The following CAPN2 variants were observed in gnomAD, a reference collection of about 807,000 sequenced individuals.
CAPN2 encodes the protein calpain-2 catalytic subunit.
A neutral mutation model predicts 102.3 loss-of-function variants in CAPN2; 92 were observed. The observed-to-expected ratio is 0.90, with a 90% CI of 0.76 to 1.07. CAPN2 has a LOEUF of 1.07. Among genes scored for constraint, CAPN2 ranks in the 50% least tolerant of loss-of-function variants. The pLI, the probability that CAPN2 is intolerant of heterozygous loss-of-function variation, is 0.00. For synonymous variants in CAPN2, 340 were observed against 355.4 expected, an observed-to-expected ratio of 0.96 and a Z score of 0.49; for missense variants, 800 against 909.4, an observed-to-expected ratio of 0.88 and a Z score of 1.55.
At chr1:223,728,043 G>T (rs938687057) in intron 2 of CAPN2, among the ~76,000 whole-genome samples, 1 of 152,010 alleles carries the variant, frequency 6.6e-6, no homozygotes, top group Non-Finnish European at 1.5e-5. Flanking sequence ...CTGTTAGCAG[G>T]TGTATCTTAC....
intron 3 of CAPN2, 87 bp from the exon 4 acceptor site, chr1:223,745,219 A>G: frequency 6.4e-7 from 1 of 1,566,032 alleles, no homozygotes; most frequent in Admixed American, 1.7e-5. Flanking sequence ...CCAGGGGATC[A>G]GGGCAAGGGG....
chr1:223,751,642 T>G (rs1553255086), intron 7 of CAPN2, among the ~76,000 whole-genome samples: 1 of 143,802 alleles, frequency 7.0e-6, no homozygotes, highest in Non-Finnish European at 1.5e-5. Flanking sequence ...CCTCATCAGA[T>G]CTTCAGTTGT....
chr1:223,761,878 T>G, intron 13 of CAPN2: 1 of 525,264 alleles, frequency 1.9e-6, no homozygotes, highest in Non-Finnish European at 3.3e-6. Context: ...TTTATTCTTC[T>G]GAGTCCCCAC....
chr1:223,750,610 G>A (rs1660862612), intron 6 of CAPN2, among the ~76,000 whole-genome samples: 1 of 152,210 alleles, frequency 6.6e-6, no homozygotes, highest in African/African-American at 2.4e-5. Flanking sequence ...CAGTTAAGCT[G>A]AAGTTCAGAG....
At chr1:223,772,745 G>A (rs1661514963) in intron 20 of CAPN2, 1 of 154,628 alleles carries the variant, frequency 6.5e-6, no homozygotes, top group Non-Finnish European at 1.4e-5. Flanking sequence ...TTGCACTCAT[G>A]TGTCTGGAAC....
intron 13 of CAPN2, 136 bp from the exon 14 acceptor site, chr1:223,762,050 C>G (rs1661200341): frequency 3.1e-6 from 2 of 649,274 alleles, no homozygotes; most frequent in Non-Finnish European, 2.7e-6. Flanking sequence ...TGATCTTAAC[C>G]CAAATCACCG....
chr1:223,761,609 C>A lies in CAPN2; in HGVS notation c.1558C>A (p.Leu520Ile). 6.2e-7 allele frequency: 1 copy of A among 1,612,092 alleles called. No homozygotes were observed. Among genetic ancestry groups the A allele is most frequent in the South Asian group, 1.1e-5 (1 of 90,908 alleles). ...QAVDDEIEAN[L>I]EEFDISEDDI... ...TGTCGATGATGAAATCGAGGCCAATCTTGAAGAGGTATTTGTAACTCTTTG... is the reference window on the plus strand; with the variant it reads ...TGTCGATGATGAAATCGAGGCCAATATTGAAGAGGTATTTGTAACTCTTTG... Residue 520 changes from leucine (L) to isoleucine (I), a missense_variant, in exon 13 of 21, where the codon CTT (leucine) becomes ATT (isoleucine). By Grantham distance (5) the Leu-to-Ile change is conservative. Coordinates refer to ENST00000295006, the MANE Select transcript of CAPN2 (RefSeq NM_001748.5).
chr1:223,764,159 A>G lies in CAPN2; in HGVS notation c.1642A>G (p.Ile548Val), dbSNP rs920874280. The change falls in exon 15 of 21, where the codon ATC becomes GTC. Residue 548 changes from isoleucine (I) to valine (V), a missense_variant. Transcript: ENST00000295006. ...GGTTATGTGTCCACAGGATGCGGAG[A>G]TCTCTGCCTTTGAGCTGCAGACCAT... ...FAQLAGEDAE[I>V]SAFELQTILR... 1.1e-5 allele frequency: 18 copies of G among 1,613,956 alleles called. No homozygotes were observed. The highest frequency in any genetic ancestry group is 1.4e-5 in the Non-Finnish European group (17 of 1,179,860).
At chr1:223,761,496 C>A in intron 12 of CAPN2, 85 bp from the exon 13 acceptor site, 2 of 1,110,964 alleles carry the variant, frequency 1.8e-6, no homozygotes, top group South Asian at 1.4e-5. Flanking sequence ...CTGGATTTAG[C>A]ACTGCACTTC....
rs188494339 is a variant in CAPN2 at position 223,712,920 on chromosome 1, G to A, written c.237+43G>A. The A allele has an allele frequency of 5.5e-4, 779 of 1,423,474 alleles. 5 individuals carry two copies. The African/African-American group carries it at 0.011, about 20-fold the overall frequency. 88.2% of individuals were successfully genotyped at this position (1,423,474 alleles called of 1,614,324 possible). A position where few individuals can be genotyped will look rare whatever the true frequency, so the allele number is the denominator to read the frequency against. On this transcript the variant is annotated intron_variant, in intron 1 of 20. Transcript: ENST00000295006. Reference sequence around the variant, plus strand: ...GGACGCGGGCAGGGCGGGGTGCCGGGCAGGGCGGGGTGCAGGCCGGCCCGC... The same window carrying A: ...GGACGCGGGCAGGGCGGGGTGCCGGACAGGGCGGGGTGCAGGCCGGCCCGC...
Position 223,759,198 on chromosome 1 carries a change from CA to C in CAPN2, c.1318-71del. 2 of 1,398,084 alleles carry C rather than the reference CA, an allele frequency of 1.4e-6. No individual in the cohort carries two copies. The highest frequency in any genetic ancestry group is 2.8e-5 in the African/African-American group (2 of 70,774). The allele number at this position is 1,398,084 out of a possible 1,614,324, so 86.6% of individuals were successfully genotyped here. On this transcript the variant is annotated intron_variant, in intron 11 of 20. Coordinates refer to ENST00000295006, the MANE Select transcript of CAPN2 (RefSeq NM_001748.5). This position sits in a 1 kb window ranked among gnomAD's most constrained non-coding sequence, Gnocchi z 4.6. ...CCACACTACCCAACTGCTTTTATCT[CA>C]GTGAATGAAAATGATACTTGCCTGG... is the stretch of plus-strand genomic sequence containing the variant.
chr1:223,735,526 TAA>T (rs566489022), intron 2 of CAPN2, among the ~76,000 whole-genome samples: 111 of 131,424 alleles, frequency 8.4e-4, no homozygotes, highest in South Asian at 4.4e-3. Context: ...AGACTCTATC[TAA>T]AAAAAAAAAA....
intron 19 of CAPN2, 98 bp downstream of exon 19, chr1:223,772,023 T>A: frequency 9.0e-7 from 1 of 1,108,704 alleles, no homozygotes; most frequent in Non-Finnish European, 1.4e-6. Context: ...GAGACATGTC[T>A]TCCAGGAGTT....
chr1:223,758,699 T>G (rs944883304), intron 11 of CAPN2: 2 of 152,602 alleles, frequency 1.3e-5, no homozygotes, highest in Non-Finnish European at 2.9e-5. Flanking sequence ...CTTTTTGTTT[T>G]TTTTTTTTTT....
In CAPN2 at chr1:223,764,194, G is replaced by C. The variant is rs201111260; in HGVS notation, c.1677G>C (p.Arg559Ser). The C allele has an allele frequency of 6.2e-6, 10 of 1,613,686 alleles. No individual in the cohort carries two copies. The East Asian group carries it at 1.6e-4, about 25-fold the overall frequency. ...TTGAGCTGCAGACCATCCTGAGAAG[G>C]GTTCTAGCAAAGCGTGAGTATCCCC... ...SAFELQTILR[R>S]VLAKRQDIKS... The change falls in exon 15 of 21, where the codon AGG (arginine) becomes AGC (serine). Residue 559 changes from arginine (R) to serine (S), a missense_variant. Physicochemically the swap from Arg to Ser is moderately radical, Grantham distance 110. Transcript: ENST00000295006.
At chr1:223,738,012 A>T (rs140050552) in intron 2 of CAPN2, among the ~76,000 whole-genome samples, 2,720 of 152,246 alleles carry the variant, frequency 0.018, 39 homozygotes, top group Non-Finnish European at 0.029. Flanking sequence ...TACTGTTTTA[A>T]TTGCTGTAGC....
chr1:223,712,904 C>A, intron 1 of CAPN2, 27 bp downstream of exon 1: 9 of 1,477,876 alleles, frequency 6.1e-6, no homozygotes, highest in Non-Finnish European at 8.1e-6. Context: ...AGGACGCGGG[C>A]AGGGCGGGGT....
At chr1:223,703,785 T>G (rs544553830) in intron 1 of CAPN2, among the ~76,000 whole-genome samples, 3 of 152,362 alleles carry the variant, frequency 2.0e-5, no homozygotes, top group African/African-American at 7.2e-5. Context: ...AGGACTCAAG[T>G]TGACACACTT....
In CAPN2 at chr1:223,759,081, C is replaced by T. The variant is rs905714610; in HGVS notation, c.1318-189C>T. 6.5e-6 allele frequency: 4 copies of T among 615,104 alleles called. No homozygotes were observed. The highest frequency in any genetic ancestry group is 3.7e-5 in the African/African-American group (2 of 53,964). 38.1% of individuals were successfully genotyped at this position (615,104 alleles called of 1,614,324 possible). On this transcript the variant is annotated intron_variant, in intron 11 of 20. Transcript: ENST00000295006. The surrounding 1 kb of genome is among the most constrained non-coding windows in gnomAD (Gnocchi z 4.6). ...TTTGTTGTTTTGTTGTTGTTGTCGTCGTTATATAGATGAGGGCTTCCTGTG... is the reference window on the plus strand; with the variant it reads ...TTTGTTGTTTTGTTGTTGTTGTCGTTGTTATATAGATGAGGGCTTCCTGTG...
Sources: gnomAD v4.1 joint callset for allele counts (sites outside exome capture counted in the v4.1 genomes callset) on GRCh38, gnomAD v4.1.1 for gene constraint, Gnocchi (gnomAD v3.1) non-coding constraint, MANE v1.5 for transcripts, NCBI Gene and HGNC (gene_info 2026-07-23, HGNC 2026-07-21) for gene names.